Variants in SGK1 observed in about 807,000 individuals in gnomAD.
SGK1 encodes the protein serine/threonine-protein kinase Sgk1.
In SGK1, 26 loss-of-function variants were observed where a neutral mutation model predicts 64.2. The observed-to-expected ratio is 0.40, with a 90% CI of 0.30 to 0.56. The LOEUF is 0.56. Among genes scored for constraint, SGK1 ranks in the 20% least tolerant of loss-of-function variants. The probability of loss-of-function intolerance (pLI) is 0.38; values close to 1 mark genes in which losing one functional copy is unlikely to be tolerated. For missense variants in SGK1, 519 were observed against 645.6 expected, an observed-to-expected ratio of 0.80 and a Z score of 2.12; for synonymous variants, 265 against 239.7, an observed-to-expected ratio of 1.11 and a Z score of -0.98.
intron 1 of SGK1, among the ~76,000 whole-genome samples, chr6:134,279,809 A>C (rs1168892348): frequency 6.6e-6 from 1 of 152,196 alleles, no homozygotes; most frequent in African/African-American, 2.4e-5. Flanking sequence ...CTACATACGA[A>C]TTTGAAATGA....
rs1173547658 is a variant in SGK1, at chr6:134,171,174, G to C, written c.1172C>G (p.Pro391Arg). 1.2e-6 allele frequency: 2 copies of C among 1,614,040 alleles called. No homozygotes were observed. ...TTCAGCTGTGTTTCGGCTATAAAAA[G>C]GCGGCTGAAAGAAGGGGAAAATTAC... ...VLYEMLYGLP[P>R]FYSRNTAEMY... The change falls in exon 12 of 14, where the codon CCT (proline) becomes CGT (arginine). Residue 391 changes from proline (P) to arginine (R), a missense_variant. Coordinates refer to ENST00000367858, the MANE Select transcript of SGK1 (RefSeq NM_001143676.3).
intron 3 of SGK1, chr6:134,175,011 G>C: frequency 9.1e-7 from 1 of 1,101,464 alleles, no homozygotes; most frequent in South Asian, 1.7e-5. Flanking sequence ...GCTGCCTGCG[G>C]CGGGCGGTTC....
chr6:134,315,134 CAA>C (rs891327733), intron 1 of SGK1, among the ~76,000 whole-genome samples: 1 of 151,732 alleles, frequency 6.6e-6, no homozygotes, highest in Non-Finnish European at 1.5e-5. Flanking sequence ...TAAAAACAAA[CAA>C]ACAAAAAAAG....
At position 134,242,796 on chromosome 6, in the gene SGK1, T is replaced by C. The variant is rs1182410398; in HGVS notation, c.285+19137A>G. Among the ~76,000 whole-genome samples the C allele has an allele frequency of 3.3e-5, 5 of 152,196 alleles. No individual in the cohort carries two copies. The East Asian group carries it at 9.6e-4, about 29-fold the overall frequency. ...TTTTTAAATTTTCAAAACAGTAATC[T>C]GTCCTTGAGTGTGAACTAGATTGTA... On this transcript the variant is annotated intron_variant, in intron 2 of 13. Transcript: ENST00000367858.
At chr6:134,227,976 G>A (rs1395858458) in intron 2 of SGK1, among the ~76,000 whole-genome samples, 2 of 115,816 alleles carry the variant, frequency 1.7e-5, no homozygotes, top group Admixed American at 1.2e-4. Flanking sequence ...TTTTGGAGAC[G>A]GAGAGTCTTG....
chr6:134,260,666 CAA>C lies in SGK1; in HGVS notation c.285+1265_285+1266del, dbSNP rs5880209. ...CAGTCTGGGCAACAAGAGTGAAACT[CAA>C]AAAAAAAAAAAAAAGAAAGAAAGAA... On this transcript the variant is annotated intron_variant, in intron 2 of 13. Coordinates refer to ENST00000367858, the MANE Select transcript of SGK1 (RefSeq NM_001143676.3). 3.9e-3 allele frequency: 483 copies of C among 125,086 alleles called. 2 individuals carry two copies. Among genetic ancestry groups the C allele is most frequent in the African/African-American group, 7.2e-3 (240 of 33,548 alleles). 7.7% of individuals were successfully genotyped at this position (125,086 alleles called of 1,614,324 possible). A position where few individuals can be genotyped will look rare whatever the true frequency, so the allele number is the denominator to read the frequency against.
In SGK1 at chr6:134,193,394, T is replaced by A. The variant is rs557872512; in HGVS notation, c.361+13962A>T. On this transcript the variant is annotated intron_variant, in intron 3 of 13. Coordinates refer to ENST00000367858, the MANE Select transcript of SGK1 (RefSeq NM_001143676.3). ...TACTTATGGACATAAAAACATCACA[T>A]AACTTCTAAATAAAGACCAAAACAC... Among the ~76,000 whole-genome samples, 363 of 152,270 alleles carry A rather than the reference T, an allele frequency of 2.4e-3. 1 individual carries two copies. The highest frequency in any genetic ancestry group is 8.2e-3 in the African/African-American group (341 of 41,564).
At chr6:134,281,103 T>C (rs1777087360) in intron 1 of SGK1, among the ~76,000 whole-genome samples, 1 of 152,188 alleles carries the variant, frequency 6.6e-6, no homozygotes, top group South Asian at 2.1e-4. Context: ...ATCCAATCTT[T>C]GGAAATTTCA....
chr6:134,197,334 A>G (rs1339390434), intron 3 of SGK1, among the ~76,000 whole-genome samples: 1 of 152,154 alleles, frequency 6.6e-6, no homozygotes, highest in Non-Finnish European at 1.5e-5. Flanking sequence ...CTAACTTGAG[A>G]TGTGGTACTA....
chr6:134,172,170 C>T (rs745385563), intron 10 of SGK1, 23 bp downstream of exon 10: 1 of 1,610,098 alleles, frequency 6.2e-7, no homozygotes, highest in South Asian at 1.1e-5. Context: ...GTAAACCAGG[C>T]ACCAAACCAA....
intron 1 of SGK1, among the ~76,000 whole-genome samples, chr6:134,312,420 G>A (rs1777621514): frequency 6.6e-6 from 1 of 152,200 alleles, no homozygotes; most frequent in Non-Finnish European, 1.5e-5. Context: ...TGAAGAATAA[G>A]CACTTCAGAG....
chr6:134,237,438 G>A (rs1345938857), intron 2 of SGK1, among the ~76,000 whole-genome samples: 2 of 152,078 alleles, frequency 1.3e-5, no homozygotes, highest in African/African-American at 4.8e-5. Flanking sequence ...CACTTTGGGA[G>A]GCCAAGGCAG....
chr6:134,265,843 G>T (rs1157348968), intron 1 of SGK1, among the ~76,000 whole-genome samples: 1 of 151,166 alleles, frequency 6.6e-6, no homozygotes, highest in African/African-American at 2.4e-5. Flanking sequence ...CACCATGTTG[G>T]TCAAGCCAAG....
chr6:134,246,820 T>C (rs1231006352), intron 2 of SGK1, among the ~76,000 whole-genome samples: 1 of 152,154 alleles, frequency 6.6e-6, no homozygotes, highest in Non-Finnish European at 1.5e-5. Flanking sequence ...CTCAAACTCC[T>C]GACCTCAGGT....
intron 1 of SGK1, chr6:134,297,167 A>G (rs555023490): frequency 1.5e-4 from 99 of 663,278 alleles, no homozygotes; most frequent in African/African-American, 1.1e-3. Flanking sequence ...GACCACCTGC[A>G]TAGCCGCTGG....
chr6:134,191,922 C>T (rs1775519070), intron 3 of SGK1, among the ~76,000 whole-genome samples: 1 of 146,042 alleles, frequency 6.8e-6, no homozygotes, highest in Admixed American at 7.2e-5. Flanking sequence ...GAAACCTCCA[C>T]CTCCGGGTTT....
chr6:134,303,804 G>T (rs981054222), intron 1 of SGK1, among the ~76,000 whole-genome samples: 3 of 151,668 alleles, frequency 2.0e-5, no homozygotes, highest in Non-Finnish European at 2.9e-5. Flanking sequence ...AAAAAGAAAA[G>T]AAAAGAAAAG....
intron 3 of SGK1, among the ~76,000 whole-genome samples, chr6:134,193,989 GCACACTCACACT>G (rs1200574245): frequency 3.8e-4 from 57 of 151,914 alleles, no homozygotes; most frequent in African/African-American, 1.4e-3. Flanking sequence ...CATCCTCAAG[GCACACTCACACT>G]CACACCCACA....
In SGK1 at chr6:134,170,073, A is replaced by T. The variant is rs1258007718; in HGVS notation, c.*195T>A. The T allele has an allele frequency of 9.5e-6, 4 of 423,132 alleles. No homozygotes were observed. Among genetic ancestry groups the T allele is most frequent in the Non-Finnish European group, 1.7e-5 (4 of 236,692 alleles). 26.2% of individuals were successfully genotyped at this position (423,132 alleles called of 1,614,324 possible). A position where few individuals can be genotyped will look rare whatever the true frequency, so the allele number is the denominator to read the frequency against. ...CGTTGGAAGGAAGAATAAAAATGAA[A>T]ACCTCATGAGCTCACTGAGGAGAAT... On this transcript the variant is annotated 3_prime_UTR_variant, in exon 14 of 14. Coordinates refer to ENST00000367858, the MANE Select transcript of SGK1 (RefSeq NM_001143676.3).
Sources: gnomAD v4.1 joint callset for allele counts (sites outside exome capture counted in the v4.1 genomes callset) on GRCh38, gnomAD v4.1.1 for gene constraint, MANE v1.5 for transcripts, NCBI Gene and HGNC (gene_info 2026-07-23, HGNC 2026-07-21) for gene names.